Variants in CGGBP1 observed in about 807,000 individuals in gnomAD.
The protein encoded by CGGBP1 is CGG triplet repeat-binding protein 1.
A neutral mutation model predicts 11.4 loss-of-function variants in CGGBP1; 4 were observed. The observed-to-expected ratio is 0.35, with a 90% CI of 0.17 to 0.80. The LOEUF is 0.80. CGGBP1 is among the 30% of genes least tolerant of loss of function. The pLI is 0.52. For synonymous variants in CGGBP1, 76 were observed against 74.1 expected (o/e 1.03, Z -0.13); for missense variants, 135 against 202.1 (o/e 0.67, Z 2.01).
At chr3:88,103,971 C>T (rs569040488) in intron 2 of CGGBP1, among the ~76,000 whole-genome samples, 8 of 151,578 alleles carry the variant, frequency 5.3e-5, no homozygotes, top group Non-Finnish European at 7.4e-5. Flanking sequence ...CATGTTGGCC[C>T]GGCTGGTCTC....
chr3:88,077,584 T>C (rs1257410326), intron 2 of CGGBP1, among the ~76,000 whole-genome samples: 7 of 152,142 alleles, frequency 4.6e-5, no homozygotes, highest in Admixed American at 3.9e-4. Context: ...AATATACCCA[T>C]GAAAAACTTG....
rs773137250 is a variant in CGGBP1 at position 88,055,534 on chromosome 3, C to T, written c.443G>A (p.Arg148Lys). 1.9e-6 allele frequency: 3 copies of T among 1,576,204 alleles called. No individual in the cohort carries two copies. Among genetic ancestry groups the T allele is most frequent in the Non-Finnish European group, 8.6e-7 (1 of 1,157,456 alleles). ...GSIPKSDQLR[R>K]AYLPDGYENE... ...CTCATATCCATCAGGAAGATATGCC[C>T]TCCGTAGCTGGTCTGACTTAGGTAT... Residue 148 changes from arginine (R) to lysine (K), a missense_variant, in exon 4 of 4, where the codon AGG becomes AAG. Coordinates refer to ENST00000482016, the MANE Select transcript of CGGBP1 (RefSeq NM_001008390.2). This position sits in a 1 kb window ranked among gnomAD's most constrained non-coding sequence, Gnocchi z 4.2.
At chr3:88,121,914 C>T (rs2107802319) in intron 2 of CGGBP1, among the ~76,000 whole-genome samples, 1 of 152,204 alleles carries the variant, frequency 6.6e-6, no homozygotes, top group East Asian at 1.9e-4. Context: ...CACAGATTTC[C>T]ATAAAACCCT....
chr3:88,055,624 A>G lies in CGGBP1; in HGVS notation c.353T>C (p.Leu118Pro). ...VKMCLEANIPLEKADHPAVRA... is the reference protein window; with the variant it reads ...VKMCLEANIPPEKADHPAVRA... The stretch of plus-strand genomic sequence containing the variant: ...GACTGCTGGGTGATCAGCCTTCTCA[A>G]GTGGGATGTTGGCTTCCAGGCACAT... Residue 118 changes from leucine to proline, a missense_variant, in exon 4 of 4, where the codon CTT becomes CCT. Transcript: ENST00000482016. This position sits in a 1 kb window ranked among gnomAD's most constrained non-coding sequence, Gnocchi z 4.2. 1 of 1,614,214 alleles carries G rather than the reference A, an allele frequency of 6.2e-7. No homozygotes were observed. Among genetic ancestry groups the G allele is most frequent in the Non-Finnish European group, 8.5e-7 (1 of 1,180,020 alleles).
chr3:88,129,576 A>G, intron 2 of CGGBP1: 1 of 847,142 alleles, frequency 1.2e-6, no homozygotes, highest in South Asian at 2.4e-5. Context: ...TTGTCTTTGT[A>G]GAAGAAAACT....
intron 2 of CGGBP1, among the ~76,000 whole-genome samples, chr3:88,137,465 CT>C (rs1223136074): frequency 6.6e-6 from 1 of 152,108 alleles, no homozygotes; most frequent in Non-Finnish European, 1.5e-5. Flanking sequence ...TATGTACCAA[CT>C]TTTATGCTAA....
intron 2 of CGGBP1, among the ~76,000 whole-genome samples, chr3:88,109,642 G>C (rs956088948): frequency 9.2e-5 from 14 of 152,218 alleles, no homozygotes; most frequent in African/African-American, 3.4e-4. Flanking sequence ...TTTATAAGTA[G>C]ACCTGCACAG....
intron 1 of CGGBP1, among the ~76,000 whole-genome samples, chr3:88,141,406 G>A (rs1258812930): frequency 6.6e-6 from 1 of 151,956 alleles, no homozygotes; most frequent in Non-Finnish European, 1.5e-5. Context: ...ATTTTGATGG[G>A]AATTATTTTT....
At chr3:88,112,318 T>A (rs566696673) in intron 2 of CGGBP1, among the ~76,000 whole-genome samples, 3 of 151,974 alleles carry the variant, frequency 2.0e-5, no homozygotes, top group African/African-American at 7.2e-5. Flanking sequence ...TAGTTACACT[T>A]GAGGATCTGC....
intron 2 of CGGBP1, chr3:88,140,138 C>A: frequency 6.2e-7 from 1 of 1,613,810 alleles, no homozygotes; most frequent in Non-Finnish European, 8.5e-7. Flanking sequence ...TTAATTGCAA[C>A]GAGTCGTTTA....
intron 2 of CGGBP1, among the ~76,000 whole-genome samples, chr3:88,065,041 G>A (rs1228610719): frequency 2.0e-5 from 3 of 152,118 alleles, no homozygotes; most frequent in African/African-American, 7.2e-5. Flanking sequence ...TAATTGCATC[G>A]ATAATTGCAT....
chr3:88,093,498 G>A (rs1355049403), intron 2 of CGGBP1, among the ~76,000 whole-genome samples: 1 of 152,192 alleles, frequency 6.6e-6, no homozygotes, highest in Non-Finnish European at 1.5e-5. Context: ...TCAGCTAGTT[G>A]TATTTGGTGT....
At chr3:88,076,805 A>G (rs1707828810) in intron 2 of CGGBP1, among the ~76,000 whole-genome samples, 1 of 152,236 alleles carries the variant, frequency 6.6e-6, no homozygotes, top group Non-Finnish European at 1.5e-5. Context: ...AGGGATCTAA[A>G]TTCATCTAAA....
upstream of CGGBP1, among the ~76,000 whole-genome samples, chr3:88,060,254 A>T (rs1319280851): frequency 6.6e-6 from 1 of 152,118 alleles, no homozygotes; most frequent in East Asian, 1.9e-4. Context: ...AATGTATTTT[A>T]TTTAGCCTGT....
At chr3:88,129,634 A>G (rs1357986471) in intron 2 of CGGBP1, 1 of 1,289,842 alleles carries the variant, frequency 7.8e-7, no homozygotes, top group East Asian at 2.6e-5. Flanking sequence ...TATTGCAACT[A>G]GCTTCTTAGA....
intron 2 of CGGBP1, among the ~76,000 whole-genome samples, chr3:88,133,619 A>AG (rs1706594699): frequency 3.3e-5 from 5 of 152,160 alleles, no homozygotes; most frequent in Non-Finnish European, 7.3e-5. Context: ...AGTGAGAATA[A>AG]ATGAAGCAGT....
At chr3:88,126,746 G>C (rs1157395341) in intron 2 of CGGBP1, among the ~76,000 whole-genome samples, 18 of 152,060 alleles carry the variant, frequency 1.2e-4, no homozygotes, top group Non-Finnish European at 2.5e-4. Context: ...GTACAGAGTA[G>C]ATGCTTAATA....
Position 88,132,336 on chromosome 3 carries a change from CT to C in CGGBP1, c.-229+8633del, listed in dbSNP as rs543494052. 1.9e-4 allele frequency among the ~76,000 whole-genome samples: 29 copies of C among 152,190 alleles called. No homozygotes were observed. The East Asian group carries it at 5.2e-3, about 27-fold the overall frequency. On this transcript the variant is annotated intron_variant, in intron 2 of 3. Transcript: ENST00000462901. The stretch of plus-strand genomic sequence containing the variant: ...TGGTAATATTAGTAGTTAATAGGGT[CT>C]TTTATTAGCTAGTTACCTGGGAAAT...
intron 2 of CGGBP1, among the ~76,000 whole-genome samples, chr3:88,111,459 T>C (rs4858932): frequency 0.036 from 5,400 of 151,900 alleles, 467 homozygotes; most frequent in Admixed American, 0.2. Context: ...AATGAATATA[T>C]ATCTCTGGGT....
Sources: gnomAD v4.1 joint callset for allele counts (sites outside exome capture counted in the v4.1 genomes callset) on GRCh38, gnomAD v4.1.1 for gene constraint, Gnocchi (gnomAD v3.1) non-coding constraint, MANE v1.5 for transcripts, NCBI Gene and HGNC (gene_info 2026-07-23, HGNC 2026-07-21) for gene names.